Variants in DDX3X observed in about 807,000 individuals in gnomAD.
DDX3X encodes ATP-dependent RNA helicase DDX3X.
DDX3X carries 4 observed loss-of-function variants against 52.7 expected under a neutral mutation model. The observed-to-expected ratio is 0.08, with a 90% confidence interval of 0.04 to 0.17. DDX3X has a LOEUF of 0.17. Among genes scored for constraint, DDX3X ranks in the 10% least tolerant of loss-of-function variants. DDX3X has a pLI of 1.00. For synonymous variants in DDX3X, 192 were observed against 178.1 expected, an observed-to-expected ratio of 1.08 and a Z score of -0.62; for missense variants, 222 against 548.6, an observed-to-expected ratio of 0.40 and a Z score of 5.95.
At chrX:41,353,542 C>T (rs2147369513), downstream of DDX3X, among the ~76,000 whole-genome samples, 1 of 106,500 alleles carries the variant, frequency 9.4e-6, no homozygotes, top group African/African-American at 3.4e-5. Context: ...GTGATCCCAG[C>T]ACTTTGGGAG....
At position 41,341,553 on chromosome X, in the gene DDX3X, C is replaced by A. The variant is rs2147348711; in HGVS notation, c.221C>A (p.Ser74Tyr). Residue 74 changes from serine (S) to tyrosine (Y), a missense_variant, in exon 4 of 17, where the codon TCT (serine) becomes TAT (tyrosine). By Grantham distance (144) the Ser-to-Tyr change is moderately radical. Transcript: ENST00000644876. ...AAGGATGCGTATAGCAGTTTTGGAT[C>A]TCGTAGTGATTCAAGAGGGAAGTCT... ...KDKDAYSSFG[S>Y]RSDSRGKSSF... 1 of 1,208,926 alleles carries A rather than the reference C, an allele frequency of 8.3e-7. No homozygotes were observed. The highest frequency in any genetic ancestry group is 1.8e-5 in the South Asian group (1 of 56,908).
rs2063949900 is a variant in DDX3X, at chrX:41,348,196, TATAAG to T, written c.*478_*482del. 4.6e-6 allele frequency: 1 copy of T among 219,002 alleles called. No homozygotes were observed. The highest frequency in any genetic ancestry group is 8.2e-6 in the Non-Finnish European group (1 of 121,276). The allele number at this position is 219,002 out of a possible 1,213,427, so 18.0% of individuals were successfully genotyped here. Reference sequence around the variant, plus strand: ...GAATCATCGATTCATCCATAAATAATATAAGGAAAAACTTATGCGGTAGCCTGCAT... The same window carrying T: ...GAATCATCGATTCATCCATAAATAATGAAAAACTTATGCGGTAGCCTGCAT... On this transcript the variant is annotated 3_prime_UTR_variant, in exon 17 of 17. Coordinates refer to ENST00000644876, the MANE Select transcript of DDX3X (RefSeq NM_001356.5).
intron 1 of DDX3X, chrX:41,335,702 TA>T (rs2063756651): frequency 1.8e-5 from 2 of 112,436 alleles, no homozygotes; most frequent in Non-Finnish European, 3.8e-5. Context: ...TCATATGTAA[TA>T]TTTTTTAGGA....
chrX:41,341,534 G>A lies in DDX3X; in HGVS notation c.202G>A (p.Ala68Thr). The A allele has an allele frequency of 5.0e-6, 6 of 1,204,810 alleles. No individual in the cohort carries two copies. The highest frequency in any genetic ancestry group is 6.7e-6 in the Non-Finnish European group (6 of 889,150). ...SGWSSSKDKD[A>T]YSSFGSRSDS... ...GTGGAGTTCTAGCAAAGATAAGGAT[G>A]CGTATAGCAGTTTTGGATCTCGTAG... is the stretch of plus-strand genomic sequence containing the variant. Residue 68 changes from alanine to threonine, a missense_variant, in exon 4 of 17, where the codon GCG becomes ACG. Around this residue, in one of 5 missense-constraint regions of DDX3X, gnomAD observed 93 missense variants for 123.7 expected, o/e 0.75. Transcript: ENST00000644876.
At chrX:41,335,354 G>A (rs1172811868) in intron 1 of DDX3X, 2 of 111,553 alleles carry the variant, frequency 1.8e-5, no homozygotes, top group Non-Finnish European at 3.8e-5. Flanking sequence ...CAGTTTTGTT[G>A]TTGACTTGTT....
downstream of DDX3X, chrX:41,351,724 G>A (rs966963234): frequency 2.7e-5 from 3 of 111,382 alleles, no homozygotes; most frequent in East Asian, 8.4e-4. Context: ...AGCATGTTTA[G>A]TGTCATTGTT....
Position 41,334,181 on chromosome X carries a change from G to C in DDX3X, c.-72G>C, listed in dbSNP as rs145191840. 9.2e-7 allele frequency: 1 copy of C among 1,089,968 alleles called. No individual in the cohort carries two copies. The allele number at this position is 1,089,968 out of a possible 1,213,427, so 89.8% of individuals were successfully genotyped here. A position where few individuals can be genotyped will look rare whatever the true frequency, so the allele number is the denominator to read the frequency against. On this transcript the variant is annotated 5_prime_UTR_variant, in exon 1 of 17. Transcript: ENST00000644876. ...CGCTCCAGAGCCGCAGTTCTCCCGTGAGAGGGCCTTCGCGGTGGAACAAAC... is the reference window on the plus strand; with the variant it reads ...CGCTCCAGAGCCGCAGTTCTCCCGTCAGAGGGCCTTCGCGGTGGAACAAAC...
chrX:41,335,367 T>G (rs917851778), intron 1 of DDX3X: 1 of 111,527 alleles, frequency 9.0e-6, no homozygotes, highest in African/African-American at 3.3e-5. Context: ...GACTTGTTGC[T>G]ATCTGTGGAG....
chrX:41,352,901 A>G (rs919500802), downstream of DDX3X, among the ~76,000 whole-genome samples: 5 of 111,848 alleles, frequency 4.5e-5, no homozygotes, highest in South Asian at 3.6e-4. Context: ...TGCCATGATC[A>G]TGCTTCTGGT....
Position 41,349,365 on chromosome X carries a change from C to T in DDX3X, c.*1646C>T, listed in dbSNP as rs1285739322. The T allele has an allele frequency of 9.0e-6, 1 of 111,490 alleles. No homozygotes were observed. The highest frequency in any genetic ancestry group is 3.3e-5 in the African/African-American group (1 of 30,558). The allele number at this position is 111,490 out of a possible 1,213,427, so 9.2% of individuals were successfully genotyped here. A position where few individuals can be genotyped will look rare whatever the true frequency, so the allele number is the denominator to read the frequency against. ...TTAAACTTCCAATCTTACTTTGTCT[C>T]TTGGAGATTGTTGAACGCAGCTTGT... On this transcript the variant is annotated 3_prime_UTR_variant, in exon 17 of 17. Coordinates refer to ENST00000644876, the MANE Select transcript of DDX3X (RefSeq NM_001356.5).
At chrX:41,361,530 A>T (rs998902929) in intron 5 of DDX3X, among the ~76,000 whole-genome samples, 2 of 110,788 alleles carry the variant, frequency 1.8e-5, no homozygotes, top group African/African-American at 6.6e-5. Flanking sequence ...AAAATAAAAA[A>T]AAGTCACAGT....
At chrX:41,347,240 C>A in intron 15 of DDX3X, 72 bp from the exon 16 acceptor site, 1 of 1,093,654 alleles carries the variant, frequency 9.1e-7, no homozygotes, top group South Asian at 2.1e-5. Flanking sequence ...AGAAATTGGT[C>A]ATTAGGAAAG....
intron 5 of DDX3X, among the ~76,000 whole-genome samples, chrX:41,360,879 TG>T (rs1270636260): frequency 2.7e-4 from 29 of 108,146 alleles, no homozygotes; most frequent in African/African-American, 7.4e-4. Context: ...CATCTTTGTT[TG>T]GGGGGGGCAC....
At position 41,334,190 on chromosome X, in the gene DDX3X, T is replaced by C; in HGVS notation, c.-63T>C. 1 of 1,128,491 alleles carries C rather than the reference T, an allele frequency of 8.9e-7. No homozygotes were observed. Among genetic ancestry groups the C allele is most frequent in the Middle Eastern group, 2.4e-4 (1 of 4,124 alleles). 93.0% of individuals were successfully genotyped at this position (1,128,491 alleles called of 1,213,427 possible). On this transcript the variant is annotated 5_prime_UTR_variant, in exon 1 of 17. Transcript: ENST00000644876. ...GCCGCAGTTCTCCCGTGAGAGGGCCTTCGCGGTGGAACAAACACTCGCTTA... is the reference window on the plus strand; with the variant it reads ...GCCGCAGTTCTCCCGTGAGAGGGCCCTCGCGGTGGAACAAACACTCGCTTA...
At chrX:41,354,895 C>T (rs1437340207), downstream of DDX3X, among the ~76,000 whole-genome samples, 2 of 109,692 alleles carry the variant, frequency 1.8e-5, no homozygotes, top group African/African-American at 3.3e-5. Context: ...TGCAGTGGTG[C>T]GATCTCGGCT....
At chrX:41,353,805 T>TACACACAC (rs751213463), downstream of DDX3X, among the ~76,000 whole-genome samples, 9 of 101,607 alleles carry the variant, frequency 8.9e-5, no homozygotes, top group African/African-American at 3.2e-4. Context: ...TACACACGCA[T>TACACACAC]ACACACACAC....
intron 16 of DDX3X, 42 bp from the exon 17 acceptor site, chrX:41,347,598 A>G: frequency 8.9e-7 from 1 of 1,125,547 alleles, no homozygotes; most frequent in Non-Finnish European, 1.2e-6. Context: ...TTAATGATGG[A>G]TAACTTCATT....
chrX:41,341,590 T>A lies in DDX3X; in HGVS notation c.258T>A (p.Ser86Arg). ...SDSRGKSSFF[S>R]DRGSGSRGRF... ...CAAGAGGGAAGTCTAGCTTCTTCAG[T>A]GATCGTGGAAGTGGATCAAGGGGAA... The change falls in exon 4 of 17, where the codon AGT becomes AGA. Residue 86 changes from serine to arginine, a missense_variant. Physicochemically the swap from Ser to Arg is moderately radical, Grantham distance 110. Transcript: ENST00000644876. 8.3e-7 allele frequency: 1 copy of A among 1,211,479 alleles called. No homozygotes were observed. The highest frequency in any genetic ancestry group is 1.1e-6 in the Non-Finnish European group (1 of 895,096).
upstream of DDX3X, chrX:41,333,902 G>A (rs1057314864): frequency 2.7e-5 from 5 of 187,355 alleles, no homozygotes; most frequent in South Asian, 3.3e-4. Context: ...TGAGACTAGG[G>A]TTTTAGCGGA....
Sources: allele counts gnomAD v4.1 joint callset (sites outside exome capture counted in the v4.1 genomes callset), GRCh38; gene constraint gnomAD v4.1.1; regional missense constraint gnomAD v4.1.1; transcripts MANE v1.5; gene names NCBI Gene and HGNC (gene_info 2026-07-23, HGNC 2026-07-21).